NRG3: variants seen among roughly 807,000 people sequenced by gnomAD.
The protein encoded by NRG3 is pro-neuregulin-3, membrane-bound isoform.
NRG3 carries 31 observed loss-of-function variants against 66.9 expected under a neutral mutation model. The ratio of observed to expected loss-of-function variants is 0.46; its 90% CI spans 0.35 to 0.63. NRG3 has a LOEUF of 0.63. NRG3 is among the 20% of genes least tolerant of loss of function. The pLI is 0.00. For missense variants in NRG3, 910 were observed against 878.9 expected (o/e 1.04, Z -0.45); for synonymous variants, 393 against 359.4 (o/e 1.09, Z -1.06).
intron 2 of NRG3, among the ~76,000 whole-genome samples, chr10:82,729,169 C>G (rs2057765438): frequency 6.6e-6 from 1 of 152,184 alleles, no homozygotes; most frequent in African/African-American, 2.4e-5. Flanking sequence ...TCCTCCATAA[C>G]TGACTACCTA....
intron 2 of NRG3, among the ~76,000 whole-genome samples, chr10:82,522,529 C>G (rs962743318): frequency 6.6e-6 from 1 of 151,942 alleles, no homozygotes; most frequent in Non-Finnish European, 1.5e-5. Context: ...TTTAAAAGTT[C>G]GAAATATTTC....
At chr10:81,994,640 G>A (rs2060867261) in intron 1 of NRG3, among the ~76,000 whole-genome samples, 1 of 151,928 alleles carries the variant, frequency 6.6e-6, no homozygotes, top group African/African-American at 2.4e-5. Context: ...ACATTGTCAA[G>A]TGATCAAGAA....
At chr10:82,215,941 T>A (rs1371532899) in intron 1 of NRG3, among the ~76,000 whole-genome samples, 1 of 151,240 alleles carries the variant, frequency 6.6e-6, no homozygotes. Context: ...ATTCGTGGTT[T>A]GTTTATATTT....
At chr10:82,879,496 G>C (rs1203364857) in intron 4 of NRG3, among the ~76,000 whole-genome samples, 1 of 127,908 alleles carries the variant, frequency 7.8e-6, no homozygotes, top group Non-Finnish European at 1.6e-5. Context: ...TTTTTGAGAC[G>C]GAGTCTCCCT....
chr10:82,667,385 C>T (rs1177741585), intron 2 of NRG3, among the ~76,000 whole-genome samples: 2 of 152,144 alleles, frequency 1.3e-5, no homozygotes, highest in African/African-American at 4.8e-5. Flanking sequence ...GCACCAGGAG[C>T]AGGGCTTAGC....
At chr10:82,495,319 G>C (rs932381318) in intron 2 of NRG3, among the ~76,000 whole-genome samples, 15 of 152,044 alleles carry the variant, frequency 9.9e-5, no homozygotes, top group Non-Finnish European at 4.4e-5. Flanking sequence ...GACCCTTCTG[G>C]CATTATAATA....
At chr10:82,964,660 A>G (rs1173735157) in intron 6 of NRG3, among the ~76,000 whole-genome samples, 3 of 152,200 alleles carry the variant, frequency 2.0e-5, no homozygotes, top group African/African-American at 7.2e-5. Flanking sequence ...ACTCGGGCTC[A>G]TAAGTCAGAG....
At chr10:82,401,515 C>T (rs1485454822) in intron 2 of NRG3, among the ~76,000 whole-genome samples, 1 of 152,058 alleles carries the variant, frequency 6.6e-6, no homozygotes, top group Non-Finnish European at 1.5e-5. Context: ...TTTGAATGTA[C>T]TTTGATTCCA....
chr10:82,849,099 C>G (rs1430749643), intron 3 of NRG3, among the ~76,000 whole-genome samples: 2 of 152,140 alleles, frequency 1.3e-5, no homozygotes, highest in Non-Finnish European at 2.9e-5. Context: ...ACAATGGGGT[C>G]TTTAGCATGG....
At chr10:82,675,772 A>T (rs1012058626) in intron 2 of NRG3, among the ~76,000 whole-genome samples, 7 of 152,200 alleles carry the variant, frequency 4.6e-5, no homozygotes, top group Admixed American at 3.9e-4. Context: ...AGTTGGCTAG[A>T]TCAGATCTCC....
At chr10:81,966,829 T>C (rs2059747750) in intron 1 of NRG3, among the ~76,000 whole-genome samples, 1 of 152,178 alleles carries the variant, frequency 6.6e-6, no homozygotes, top group Admixed American at 6.5e-5. Context: ...TTTAGATCAT[T>C]AGTTGTATGA....
chr10:82,071,802 T>TA (rs2064820487), intron 1 of NRG3, among the ~76,000 whole-genome samples: 1 of 152,118 alleles, frequency 6.6e-6, no homozygotes. Flanking sequence ...GCTATTGTAA[T>TA]AATGAAGGAA....
intron 1 of NRG3, among the ~76,000 whole-genome samples, chr10:82,270,542 C>T (rs941072288): frequency 6.6e-6 from 1 of 152,008 alleles, no homozygotes; most frequent in Non-Finnish European, 1.5e-5. Context: ...TAATTTTTTA[C>T]ATTATATTCA....
chr10:81,950,907 T>A (rs997381364), intron 1 of NRG3, among the ~76,000 whole-genome samples: 1 of 152,150 alleles, frequency 6.6e-6, no homozygotes, highest in African/African-American at 2.4e-5. Context: ...AGCCATAAAC[T>A]GAAAACCTTT....
rs578232709 is a variant in NRG3 at position 82,918,997 on chromosome 10, G to A, written c.1055-32472G>A. Among the ~76,000 whole-genome samples the A allele has an allele frequency of 5.3e-5, 8 of 152,074 alleles. No homozygotes were observed. In the East Asian group the frequency reaches 1.4e-3, roughly 26 times the overall value. The stretch of plus-strand genomic sequence containing the variant: ...ATCACTGCTTTAAGGCAGGCCCAAT[G>A]CCTTTAAACCAATCACTGGGCCCCA... On this transcript the variant is annotated intron_variant, in intron 4 of 8. Transcript: ENST00000372141.
intron 4 of NRG3, among the ~76,000 whole-genome samples, chr10:82,885,373 C>T (rs545807836): frequency 2.8e-4 from 43 of 152,138 alleles, no homozygotes; most frequent in Admixed American, 3.3e-4. Flanking sequence ...TTCCATGGTC[C>T]GGGGAGATTG....
chr10:81,963,125 C>CTTTTTTTTTTTTT lies in NRG3; in HGVS notation c.823+86976_823+86988dup, dbSNP rs777026850. 4.1e-4 allele frequency among the ~76,000 whole-genome samples: 29 copies of CTTTTTTTTTTTTT among 70,114 alleles called. 2 individuals carry two copies. Among genetic ancestry groups the CTTTTTTTTTTTTT allele is most frequent in the African/African-American group, 1.8e-3 (28 of 15,652 alleles). The allele number at this position is 70,114 out of a possible 152,430, so 46.0% of individuals were successfully genotyped here. On this transcript the variant is annotated intron_variant, in intron 1 of 8. Coordinates refer to ENST00000372141, the MANE Select transcript of NRG3 (RefSeq NM_001010848.4). ...GAAAATATGATCTGCCACGAGGGCT[C>CTTTTTTTTTTTTT]TTTTTTTTTTTTTTTTTTTTTTTTT...
intron 1 of NRG3, among the ~76,000 whole-genome samples, chr10:82,250,687 C>T (rs1206945682): frequency 6.6e-6 from 1 of 152,186 alleles, no homozygotes; most frequent in Admixed American, 6.5e-5. Context: ...GAATTTTATA[C>T]CATTTTAAAA....
chr10:82,501,383 C>T (rs2132344909), intron 2 of NRG3, among the ~76,000 whole-genome samples: 1 of 152,310 alleles, frequency 6.6e-6, no homozygotes, highest in South Asian at 2.1e-4. Context: ...GGTCACCTCA[C>T]TCCCCTGTCT....
Sources: allele counts gnomAD v4.1 joint callset (sites outside exome capture counted in the v4.1 genomes callset), GRCh38; gene constraint gnomAD v4.1.1; transcripts MANE v1.5; gene names NCBI Gene and HGNC (gene_info 2026-07-23, HGNC 2026-07-21).